The following NCBP3 variants were observed in gnomAD, a reference collection of about 807,000 sequenced individuals.
NCBP3 encodes the protein nuclear cap binding subunit 3, also known as nuclear cap-binding protein subunit 3.
Under a neutral mutation model 75.7 loss-of-function variants are expected in NCBP3, and 20 were observed. That is an observed-to-expected ratio of 0.26 (90% CI 0.19 to 0.38). The LOEUF (loss-of-function observed/expected upper bound fraction) is 0.38. Ranked by LOEUF, NCBP3 falls within the 10% of genes least tolerant of loss-of-function variation. The probability of loss-of-function intolerance (pLI) is 1.00; values close to 1 mark genes in which losing one functional copy is unlikely to be tolerated. For missense variants in NCBP3, 678 were observed against 796.9 expected (o/e 0.85, Z 1.80); for synonymous variants, 293 against 290.5 (o/e 1.01, Z -0.09).
rs1318157223 is a variant in NCBP3 at position 3,802,986 on chromosome 17, CT to C, written c.*10057del. The stretch of plus-strand genomic sequence containing the variant: ...TGTATTTATCCAAGCGTCAGTGCCT[CT>C]AGTCATGAGACACACAGGGGTCCGT... On this transcript the variant is annotated 3_prime_UTR_variant, in exon 13 of 13. Transcript: ENST00000389005. The C allele has an allele frequency of 1.3e-5, 2 of 152,364 alleles. No homozygotes were observed. Among genetic ancestry groups the C allele is most frequent in the East Asian group, 3.9e-4 (2 of 5,184 alleles). The allele number at this position is 152,364 out of a possible 1,614,324, so 9.4% of individuals were successfully genotyped here.
At chr17:3,821,128 G>C in intron 9 of NCBP3, 121 bp downstream of exon 9, 2 of 616,284 alleles carry the variant, frequency 3.2e-6, no homozygotes, top group Non-Finnish European at 5.8e-6. Context: ...TATGTTGGCA[G>C]AGGGTGAGGG....
chr17:3,829,288 T>G lies in NCBP3; in HGVS notation c.436A>C (p.Lys146Gln), dbSNP rs1377759670. The stretch of plus-strand genomic sequence containing the variant: ...TCGATGTGAGCTGGAGGATATTCTT[T>G]AAAATAGGAAAAGACATCTTGGGTG... ...MSTQDVFSYF[K>Q]EYPPAHIEWL... The change falls in exon 4 of 13, where the codon AAA (lysine) becomes CAA (glutamine). Residue 146 changes from lysine to glutamine, a missense_variant. By Grantham distance (53) the Lys-to-Gln change is moderately conservative. This residue lies in a region of NCBP3 where 15 missense variants were observed against 45.5 expected (regional missense o/e 0.33). Transcript: ENST00000389005. 6.4e-7 allele frequency: 1 copy of G among 1,551,730 alleles called. No individual in the cohort carries two copies. The highest frequency in any genetic ancestry group is 2.0e-5 in the Admixed American group (1 of 50,988).
chr17:3,837,478 C>T (rs1368284449), intron 3 of NCBP3, among the ~76,000 whole-genome samples: 1 of 145,758 alleles, frequency 6.9e-6, no homozygotes, highest in Non-Finnish European at 1.5e-5. Flanking sequence ...GCCTGGGCTA[C>T]AGAAAGAGAG....
Position 3,803,914 on chromosome 17 carries a change from A to G in NCBP3, c.*9130T>C, listed in dbSNP as rs1210096286. The G allele has an allele frequency of 6.6e-6, 1 of 152,290 alleles. No individual in the cohort carries two copies. Among genetic ancestry groups the G allele is most frequent in the South Asian group, 2.1e-4 (1 of 4,828 alleles). The allele number at this position is 152,290 out of a possible 1,614,324, so 9.4% of individuals were successfully genotyped here. A position where few individuals can be genotyped will look rare whatever the true frequency, so the allele number is the denominator to read the frequency against. On this transcript the variant is annotated 3_prime_UTR_variant, in exon 13 of 13. Coordinates refer to ENST00000389005, the MANE Select transcript of NCBP3 (RefSeq NM_001114118.3). ...CACGGTGAAACCCGGTCTCTACTAA[A>G]AATACAAAAAAAATTAGCCAGGCGT... is the stretch of plus-strand genomic sequence containing the variant.
At chr17:3,821,098 T>A (rs1229951022) in intron 9 of NCBP3, 151 bp downstream of exon 9, 1 of 510,768 alleles carries the variant, frequency 2.0e-6, no homozygotes, top group Non-Finnish European at 3.5e-6. Context: ...AAATTAATTG[T>A]GACTTGACTT....
chr17:3,843,241 TC>T, intron 1 of NCBP3, 90 bp from the exon 2 acceptor site: 1 of 971,942 alleles, frequency 1.0e-6, no homozygotes. Flanking sequence ...GGTTCTTTTT[TC>T]CTTTTTTTTT....
chr17:3,844,092 C>T (rs560739717), intron 1 of NCBP3, among the ~76,000 whole-genome samples: 1 of 152,278 alleles, frequency 6.6e-6, no homozygotes, highest in South Asian at 2.1e-4. Flanking sequence ...CCAGTCTGAA[C>T]GAATTCCTCA....
chr17:3,834,802 A>AAG, intron 3 of NCBP3, among the ~76,000 whole-genome samples: 1 of 151,296 alleles, frequency 6.6e-6, no homozygotes. Flanking sequence ...ACAGTTCCAT[A>AAG]AGAAGCAAGC....
rs1028462261 is a variant in NCBP3 at position 3,846,176 on chromosome 17, C to T, written c.48G>A (p.Pro16=). ...ACGGGAGCCCCAGGGCCGGCCCCGC[C>T]GGGGCCTCCGCCTTCACCGACACCC... ...GLRVSVKAEA[P]AGPALGLPSP... The change falls in exon 1 of 13, where the codon CCG becomes CCA. Residue 16 remains proline, a synonymous_variant. Coordinates refer to ENST00000389005, the MANE Select transcript of NCBP3 (RefSeq NM_001114118.3). The surrounding 1 kb of genome is among the most constrained non-coding windows in gnomAD (Gnocchi z 4.6). The T allele has an allele frequency of 4.2e-5, 64 of 1,520,694 alleles. No individual in the cohort carries two copies. The highest frequency in any genetic ancestry group is 5.3e-5 in the Non-Finnish European group (60 of 1,134,750). The allele number at this position is 1,520,694 out of a possible 1,614,324, so 94.2% of individuals were successfully genotyped here. A position where few individuals can be genotyped will look rare whatever the true frequency, so the allele number is the denominator to read the frequency against.
At chr17:3,837,411 C>T (rs910892940) in intron 3 of NCBP3, among the ~76,000 whole-genome samples, 2 of 151,718 alleles carry the variant, frequency 1.3e-5, no homozygotes, top group African/African-American at 4.8e-5. Context: ...GCAGGAGAAT[C>T]GCTTGAACCC....
chr17:3,836,043 G>A (rs1042206214), intron 3 of NCBP3, among the ~76,000 whole-genome samples: 1 of 152,154 alleles, frequency 6.6e-6, no homozygotes. Flanking sequence ...CTCCTCACAG[G>A]GCTGTTGAAA....
chr17:3,804,625 T>C lies in NCBP3; in HGVS notation c.*8419A>G, dbSNP rs1460511637. 2 of 152,176 alleles carry C rather than the reference T, an allele frequency of 1.3e-5. No individual in the cohort carries two copies. Among genetic ancestry groups the C allele is most frequent in the East Asian group, 1.9e-4 (1 of 5,192 alleles). 9.4% of individuals were successfully genotyped at this position (152,176 alleles called of 1,614,324 possible). ...AGGCACAGCCTTCAGACACAGGAAA[T>C]GGTTCTATTCTCCCACTTGCCTTCT... On this transcript the variant is annotated 3_prime_UTR_variant, in exon 13 of 13. Transcript: ENST00000389005.
intron 1 of NCBP3, among the ~76,000 whole-genome samples, chr17:3,844,965 T>TGAATGAC (rs1270733813): frequency 6.6e-6 from 1 of 152,184 alleles, no homozygotes; most frequent in Non-Finnish European, 1.5e-5. Flanking sequence ...CATGTTGAAC[T>TGAATGAC]GAATGACTAA....
In NCBP3 at chr17:3,842,953, A is replaced by T. The variant is rs550330460; in HGVS notation, c.249+133T>A. On this transcript the variant is annotated intron_variant, in intron 2 of 12. Coordinates refer to ENST00000389005, the MANE Select transcript of NCBP3 (RefSeq NM_001114118.3). ...GCCAGCGTGCCTGGCCAATAACACA[A>T]TTTTTTTTAGAAAAAAAATTTAAAT... is the stretch of plus-strand genomic sequence containing the variant. The T allele has an allele frequency of 8.4e-6, 7 of 837,698 alleles. No individual in the cohort carries two copies. In the South Asian group the frequency reaches 9.8e-5, roughly 12 times the overall value. 51.9% of individuals were successfully genotyped at this position (837,698 alleles called of 1,614,324 possible). A position where few individuals can be genotyped will look rare whatever the true frequency, so the allele number is the denominator to read the frequency against.
chr17:3,812,829 G>T lies in NCBP3; in HGVS notation c.*215C>A. The T allele has an allele frequency of 7.2e-7, 1 of 1,387,256 alleles. No homozygotes were observed. Among genetic ancestry groups the T allele is most frequent in the African/African-American group, 1.5e-5 (1 of 68,904 alleles). 85.9% of individuals were successfully genotyped at this position (1,387,256 alleles called of 1,614,324 possible). ...CCTGTGGGGTGGTGGGAAAGGAATC[G>T]AGGGCCCAGAACTACAACTCTGCAG... On this transcript the variant is annotated 3_prime_UTR_variant, in exon 13 of 13. Transcript: ENST00000389005.
intron 1 of NCBP3, 63 bp downstream of exon 1, chr17:3,845,978 C>T: frequency 3.3e-6 from 5 of 1,495,050 alleles, no homozygotes; most frequent in Non-Finnish European, 4.5e-6. Flanking sequence ...CCCCTTCCGG[C>T]CCCCTCCGGC....
At chr17:3,836,311 ACT>A (rs1401406760) in intron 3 of NCBP3, among the ~76,000 whole-genome samples, 1 of 152,022 alleles carries the variant, frequency 6.6e-6, no homozygotes, top group East Asian at 1.9e-4. Flanking sequence ...GCCAAGCGCC[ACT>A]CTATGGACTG....
intron 2 of NCBP3, 103 bp from the exon 3 acceptor site, chr17:3,840,308 G>A (rs775952169): frequency 2.0e-5 from 18 of 887,856 alleles, no homozygotes; most frequent in Non-Finnish European, 2.9e-5. Flanking sequence ...TAAAAAAGAA[G>A]AAATAAGCAA....
chr17:3,845,265 T>G (rs988373744), intron 1 of NCBP3, among the ~76,000 whole-genome samples: 1 of 152,190 alleles, frequency 6.6e-6, no homozygotes, highest in Non-Finnish European at 1.5e-5. Context: ...ATAACTTCAG[T>G]CTAAATATGT....
Sources: gnomAD v4.1 joint callset for allele counts (sites outside exome capture counted in the v4.1 genomes callset) on GRCh38, gnomAD v4.1.1 for gene constraint, gnomAD v4.1.1 regional missense constraint, Gnocchi (gnomAD v3.1) non-coding constraint, MANE v1.5 for transcripts, NCBI Gene and HGNC (gene_info 2026-07-23, HGNC 2026-07-21) for gene names.